NRG3: variants seen among roughly 807,000 people sequenced by gnomAD.
The protein encoded by NRG3 is pro-neuregulin-3, membrane-bound isoform.
A neutral mutation model predicts 66.9 loss-of-function variants in NRG3; 31 were observed. The observed-to-expected ratio is 0.46, with a 90% CI of 0.35 to 0.63. The LOEUF (loss-of-function observed/expected upper bound fraction) is 0.63. Ranked by LOEUF, NRG3 falls within the 20% of genes least tolerant of loss-of-function variation. NRG3 has a pLI of 0.00. For missense variants in NRG3, 910 were observed against 878.9 expected, an observed-to-expected ratio of 1.04 and a Z score of -0.45; for synonymous variants, 393 against 359.4, an observed-to-expected ratio of 1.09 and a Z score of -1.06.
At chr10:82,121,319 G>C (rs2068074319) in intron 1 of NRG3, among the ~76,000 whole-genome samples, 1 of 152,164 alleles carries the variant, frequency 6.6e-6, no homozygotes, top group Admixed American at 6.5e-5. Context: ...ATGGGGCATA[G>C]ACTAAGGGAC....
At chr10:82,138,937 T>C (rs2069568487) in intron 1 of NRG3, among the ~76,000 whole-genome samples, 1 of 152,122 alleles carries the variant, frequency 6.6e-6, no homozygotes, top group African/African-American at 2.4e-5. Flanking sequence ...AGGGAGGGTC[T>C]GTCTCCCTCT....
At chr10:82,963,713 G>A (rs1850913468) in intron 6 of NRG3, among the ~76,000 whole-genome samples, 1 of 152,164 alleles carries the variant, frequency 6.6e-6, no homozygotes, top group Admixed American at 6.5e-5. Flanking sequence ...CGTTAAAATA[G>A]TATAAGCTAT....
Position 82,433,888 on chromosome 10 carries a change from C to T in NRG3, c.953+75020C>T, listed in dbSNP as rs572222013. Among the ~76,000 whole-genome samples the T allele has an allele frequency of 3.3e-5, 5 of 152,234 alleles. No individual in the cohort carries two copies. The East Asian group carries it at 9.7e-4, about 29-fold the overall frequency. ...AGTTTGAAGTCAGATAGCATGATGC[C>T]TCCAGGTTTGTTCTTTTTGCTTAGG... On this transcript the variant is annotated intron_variant, in intron 2 of 8. Coordinates refer to ENST00000372141, the MANE Select transcript of NRG3 (RefSeq NM_001010848.4).
intron 1 of NRG3, among the ~76,000 whole-genome samples, chr10:81,918,976 C>CACACAT (rs1389812465): frequency 6.7e-6 from 1 of 148,686 alleles, no homozygotes; most frequent in African/African-American, 2.5e-5. Flanking sequence ...CATAACAAAA[C>CACACAT]ACACACACAC....
chr10:82,759,267 C>A (rs1382589431), intron 3 of NRG3, among the ~76,000 whole-genome samples: 1 of 152,084 alleles, frequency 6.6e-6, no homozygotes, highest in Non-Finnish European at 1.5e-5. Flanking sequence ...TAAATTGAAG[C>A]AGCATGAGGC....
intron 1 of NRG3, among the ~76,000 whole-genome samples, chr10:82,031,301 C>A (rs2062557494): frequency 6.6e-6 from 1 of 152,104 alleles, no homozygotes; most frequent in South Asian, 2.1e-4. Flanking sequence ...AATTAAATAT[C>A]TGAATGAGTG....
At chr10:81,937,351 T>C (rs1847974126) in intron 1 of NRG3, among the ~76,000 whole-genome samples, 4 of 152,086 alleles carry the variant, frequency 2.6e-5, no homozygotes. Flanking sequence ...AGAACCTCCG[T>C]ATGTTTCCAT....
intron 2 of NRG3, among the ~76,000 whole-genome samples, chr10:82,696,522 G>A (rs2055396091): frequency 6.6e-6 from 1 of 152,112 alleles, no homozygotes; most frequent in Admixed American, 6.6e-5. Flanking sequence ...CTCTTTTGCT[G>A]ATTTCCGTAT....
intron 3 of NRG3, among the ~76,000 whole-genome samples, chr10:82,823,657 G>C (rs193178): frequency 6.6e-5 from 10 of 151,692 alleles, no homozygotes; most frequent in Admixed American, 6.6e-4. Context: ...TTGCCTTTGC[G>C]GAGGAGAGCT....
At chr10:82,327,819 G>A (rs779630179) in intron 1 of NRG3, among the ~76,000 whole-genome samples, 26 of 152,154 alleles carry the variant, frequency 1.7e-4, no homozygotes, top group Non-Finnish European at 2.6e-4. Context: ...CTGAAAGTCC[G>A]AGATCAAGGT....
intron 2 of NRG3, among the ~76,000 whole-genome samples, chr10:82,517,895 G>T (rs574258300): frequency 6.6e-6 from 1 of 152,042 alleles, no homozygotes; most frequent in Non-Finnish European, 1.5e-5. Context: ...GTCCATACTG[G>T]GTAAGGAAAA....
intron 1 of NRG3, among the ~76,000 whole-genome samples, chr10:81,962,117 G>GA (rs1463220101): frequency 6.6e-6 from 1 of 152,112 alleles, no homozygotes; most frequent in African/African-American, 2.4e-5. Flanking sequence ...TGACTCTGTG[G>GA]AAAAAAAGCC....
At chr10:82,749,401 C>G (rs894075303) in intron 3 of NRG3, among the ~76,000 whole-genome samples, 3 of 152,022 alleles carry the variant, frequency 2.0e-5, no homozygotes, top group Non-Finnish European at 4.4e-5. Context: ...GTGTAAAGCC[C>G]AGGACAAATG....
chr10:81,930,889 G>A (rs931488504), intron 1 of NRG3, among the ~76,000 whole-genome samples: 2 of 152,104 alleles, frequency 1.3e-5, no homozygotes, highest in Non-Finnish European at 2.9e-5. Flanking sequence ...AAGTTGCTGG[G>A]GTCTGTCTGG....
intron 3 of NRG3, among the ~76,000 whole-genome samples, chr10:82,779,060 G>C (rs1257143921): frequency 6.6e-6 from 1 of 152,082 alleles, no homozygotes; most frequent in Admixed American, 6.6e-5. Context: ...CTGGGGCAGG[G>C]CATACTCTAT....
At chr10:82,610,650 G>A (rs187426880) in intron 2 of NRG3, among the ~76,000 whole-genome samples, 12 of 152,158 alleles carry the variant, frequency 7.9e-5, no homozygotes, top group Non-Finnish European at 1.8e-4. Flanking sequence ...GAATGACTTA[G>A]CATCTTAAAA....
At position 82,793,103 on chromosome 10, in the gene NRG3, T is replaced by A. The variant is rs1003746086; in HGVS notation, c.1027+54453T>A. 1.2e-4 allele frequency among the ~76,000 whole-genome samples: 19 copies of A among 152,260 alleles called. No individual in the cohort carries two copies. The East Asian group carries it at 1.4e-3, about 11-fold the overall frequency. On this transcript the variant is annotated intron_variant, in intron 3 of 8. Coordinates refer to ENST00000372141, the MANE Select transcript of NRG3 (RefSeq NM_001010848.4). ...TTTGAAAATGAAGATTTAAAAAAAA[T>A]TTCTCTCCTGAAACATTCGTCTGTA...
At chr10:82,384,436 C>T (rs951631428) in intron 2 of NRG3, among the ~76,000 whole-genome samples, 1 of 152,116 alleles carries the variant, frequency 6.6e-6, no homozygotes, top group African/African-American at 2.4e-5. Context: ...CTCCCAACCC[C>T]CACCCTCTGA....
At chr10:82,874,296 G>T (rs1266844565) in intron 4 of NRG3, among the ~76,000 whole-genome samples, 2 of 151,902 alleles carry the variant, frequency 1.3e-5, no homozygotes, top group African/African-American at 4.8e-5. Flanking sequence ...TAAATGACTT[G>T]GTGTTTTTCC....
Sources: allele counts gnomAD v4.1 joint callset (sites outside exome capture counted in the v4.1 genomes callset), GRCh38; gene constraint gnomAD v4.1.1; transcripts MANE v1.5; gene names NCBI Gene and HGNC (gene_info 2026-07-23, HGNC 2026-07-21).